The following CPNE4 variants were observed in gnomAD, a reference collection of about 807,000 sequenced individuals.
The protein encoded by CPNE4 is copine 4.
Under a neutral mutation model 67.9 loss-of-function variants are expected in CPNE4, and 25 were observed. That is an observed-to-expected ratio of 0.37 (90% CI 0.27 to 0.51). The LOEUF is 0.51. Ranked by LOEUF, CPNE4 falls within the 20% of genes least tolerant of loss-of-function variation. The probability of loss-of-function intolerance (pLI) is 0.93; values close to 1 mark genes in which losing one functional copy is unlikely to be tolerated. For synonymous variants in CPNE4, 242 were observed against 244.9 expected (o/e 0.99, Z 0.11); for missense variants, 464 against 690.8 (o/e 0.67, Z 3.68).
At chr3:131,725,260 C>T (rs1018713739) in intron 2 of CPNE4, among the ~76,000 whole-genome samples, 1 of 152,188 alleles carries the variant, frequency 6.6e-6, no homozygotes, top group Non-Finnish European at 1.5e-5. Flanking sequence ...GCTTTGTCTC[C>T]AGCCCTAGCC....
At chr3:131,978,813 T>C (rs1302465755) in intron 1 of CPNE4, among the ~76,000 whole-genome samples, 1 of 151,586 alleles carries the variant, frequency 6.6e-6, no homozygotes, top group Admixed American at 6.6e-5. Flanking sequence ...TTAATTCTTT[T>C]TGATGTAGGC....
At chr3:131,591,528 C>A (rs138888786) in intron 7 of CPNE4, among the ~76,000 whole-genome samples, 8 of 152,270 alleles carry the variant, frequency 5.3e-5, no homozygotes, top group African/African-American at 1.9e-4. Context: ...AATGTGCTCT[C>A]TGGCTGGGGC....
At chr3:131,553,886 A>C (rs1002472607) in intron 12 of CPNE4, among the ~76,000 whole-genome samples, 4 of 152,078 alleles carry the variant, frequency 2.6e-5, no homozygotes, top group African/African-American at 9.7e-5. Context: ...AAATTAGGGG[A>C]CCCGAAATGG....
chr3:132,022,483 A>G (rs563373999), intron 1 of CPNE4, among the ~76,000 whole-genome samples: 1 of 152,144 alleles, frequency 6.6e-6, no homozygotes, highest in Admixed American at 6.5e-5. Flanking sequence ...AACAGGTACA[A>G]CTTGCCGTAC....
intron 2 of CPNE4, among the ~76,000 whole-genome samples, chr3:131,904,903 C>G (rs550971070): frequency 2.6e-5 from 4 of 152,212 alleles, no homozygotes; most frequent in Non-Finnish European, 4.4e-5. Context: ...GTCTCTGGAA[C>G]CAGTTTTTGG....
chr3:131,630,826 A>G (rs562544772), intron 7 of CPNE4, among the ~76,000 whole-genome samples: 3 of 152,352 alleles, frequency 2.0e-5, no homozygotes, highest in Non-Finnish European at 2.9e-5. Flanking sequence ...CTTAGACTCA[A>G]TGAAATATAG....
chr3:131,760,693 G>T (rs1289230609), intron 2 of CPNE4, among the ~76,000 whole-genome samples: 2 of 152,164 alleles, frequency 1.3e-5, no homozygotes, highest in African/African-American at 4.8e-5. Context: ...GCCCAGCAAA[G>T]CTTTGGAAGC....
chr3:131,693,213 A>G (rs901551588), intron 5 of CPNE4, among the ~76,000 whole-genome samples: 14 of 152,094 alleles, frequency 9.2e-5, no homozygotes, highest in African/African-American at 2.9e-4. Context: ...TTTCCCATAT[A>G]CCCTATAACA....
intron 1 of CPNE4, among the ~76,000 whole-genome samples, chr3:131,926,106 G>C (rs1249247699): frequency 6.6e-6 from 1 of 152,128 alleles, no homozygotes; most frequent in Non-Finnish European, 1.5e-5. Flanking sequence ...TGGCCAACTA[G>C]CATGAGCTGT....
chr3:131,849,769 T>C (rs2086164224), intron 2 of CPNE4, among the ~76,000 whole-genome samples: 1 of 152,140 alleles, frequency 6.6e-6, no homozygotes, highest in South Asian at 2.1e-4. Flanking sequence ...GAAAAATTCA[T>C]GGAACAGAGC....
chr3:131,576,998 A>G (rs75558893), intron 9 of CPNE4, among the ~76,000 whole-genome samples: 5,502 of 152,108 alleles, frequency 0.036, 299 homozygotes, highest in African/African-American at 0.12. Context: ...TTTGCTGTCT[A>G]TAGGAATTAG....
intron 7 of CPNE4, among the ~76,000 whole-genome samples, chr3:131,602,957 G>A (rs763693872): frequency 1.1e-4 from 16 of 152,118 alleles, no homozygotes; most frequent in Non-Finnish European, 2.2e-4. Flanking sequence ...TGGCTGTTGA[G>A]GTATGATGCA....
intron 14 of CPNE4, among the ~76,000 whole-genome samples, chr3:131,548,661 T>G (rs1406147966): frequency 6.6e-6 from 1 of 152,012 alleles, no homozygotes; most frequent in Non-Finnish European, 1.5e-5. Flanking sequence ...TTGGTGTGTT[T>G]GTGGAACAGC....
At chr3:131,624,467 C>T (rs894674086) in intron 7 of CPNE4, among the ~76,000 whole-genome samples, 46 of 152,152 alleles carry the variant, frequency 3.0e-4, no homozygotes, top group Non-Finnish European at 6.6e-4. Context: ...AAAGTATACC[C>T]TTTTCCCCAG....
intron 11 of CPNE4, among the ~76,000 whole-genome samples, chr3:131,562,066 C>T (rs982453009): frequency 3.9e-5 from 6 of 152,024 alleles, no homozygotes; most frequent in African/African-American, 1.4e-4. Flanking sequence ...CAATCTTACT[C>T]TATTAAAAAT....
At chr3:131,557,807 A>G (rs914857135) in intron 11 of CPNE4, among the ~76,000 whole-genome samples, 1 of 151,982 alleles carries the variant, frequency 6.6e-6, no homozygotes, top group Non-Finnish European at 1.5e-5. Context: ...AGGTGTGAGA[A>G]GAGATCTGTG....
chr3:131,684,444 CATTT>C (rs939374529), intron 6 of CPNE4, among the ~76,000 whole-genome samples: 7 of 152,148 alleles, frequency 4.6e-5, no homozygotes, highest in African/African-American at 1.7e-4. Flanking sequence ...TATTTAACAG[CATTT>C]ATTTATTTAT....
chr3:131,536,092 G>A lies in CPNE4; in HGVS notation c.1540-763C>T, dbSNP rs146704603. On this transcript the variant is annotated intron_variant, in intron 15 of 15. Transcript: ENST00000429747. The stretch of plus-strand genomic sequence containing the variant: ...GAGCTGAAGGAAGTGTGTATGGCAG[G>A]TGGGGGACGAGGGGGTTTAGGGGTA... 3.4e-4 allele frequency among the ~76,000 whole-genome samples: 52 copies of A among 152,272 alleles called. 1 individual carries two copies. The East Asian group carries it at 9.8e-3, about 29-fold the overall frequency.
intron 7 of CPNE4, among the ~76,000 whole-genome samples, chr3:131,634,508 G>C (rs2079323933): frequency 6.6e-6 from 1 of 152,074 alleles, no homozygotes; most frequent in Non-Finnish European, 1.5e-5. Flanking sequence ...TTAAACCTAG[G>C]TCTCCAGTTT....
Sources: allele counts gnomAD v4.1 joint callset (sites outside exome capture counted in the v4.1 genomes callset), GRCh38; gene constraint gnomAD v4.1.1; transcripts MANE v1.5; gene names NCBI Gene and HGNC (gene_info 2026-07-23, HGNC 2026-07-21).